PCGF5: variants seen among roughly 807,000 people sequenced by gnomAD.
PCGF5 encodes polycomb group RING finger protein 5.
A neutral mutation model predicts 44.3 loss-of-function variants in PCGF5; 9 were observed. That is an observed-to-expected ratio of 0.20 (90% CI 0.12 to 0.35). PCGF5 has a LOEUF of 0.35. Ranked by LOEUF, PCGF5 falls within the 10% of genes least tolerant of loss-of-function variation. The pLI is 1.00. For missense variants in PCGF5, 146 were observed against 305.3 expected (o/e 0.48, Z 3.89); for synonymous variants, 95 against 102.5 (o/e 0.93, Z 0.44).
intron 7 of PCGF5, among the ~76,000 whole-genome samples, 174 bp downstream of exon 7, chr10:91,261,598 A>T (rs903597306): frequency 2.0e-5 from 3 of 152,200 alleles, no homozygotes; most frequent in African/African-American, 7.2e-5. Context: ...TAATATGTGT[A>T]CTCTAATTGA....
Position 91,227,941 on chromosome 10 carries a change from A to T in PCGF5, c.112+4958A>T, listed in dbSNP as rs1589380721. On this transcript the variant is annotated intron_variant, in intron 2 of 9. Transcript: ENST00000336126. The stretch of plus-strand genomic sequence containing the variant: ...GTCTCAATAAAATCTTAAATGAATA[A>T]ATGCATGGCTAATAAGTTATTTTAT... 11 of 972,960 alleles carry T rather than the reference A, an allele frequency of 1.1e-5. No homozygotes were observed. The South Asian group carries it at 4.8e-4, about 42-fold the overall frequency. 60.3% of individuals were successfully genotyped at this position (972,960 alleles called of 1,614,324 possible). A position where few individuals can be genotyped will look rare whatever the true frequency, so the allele number is the denominator to read the frequency against.
chr10:91,252,799 G>A (rs764549751), intron 6 of PCGF5, among the ~76,000 whole-genome samples: 25 of 151,924 alleles, frequency 1.6e-4, no homozygotes, highest in Non-Finnish European at 3.2e-4. Flanking sequence ...ATAAACAAAC[G>A]TAAAGTCCAC....
intron 8 of PCGF5, 80 bp downstream of exon 8, chr10:91,264,600 T>C: frequency 9.1e-7 from 1 of 1,101,306 alleles, no homozygotes; most frequent in Non-Finnish European, 1.3e-6. Flanking sequence ...TATTAGAAAC[T>C]AAAAAAGACA....
intron 9 of PCGF5, among the ~76,000 whole-genome samples, chr10:91,273,809 G>C (rs935493732): frequency 1.3e-5 from 2 of 150,120 alleles, no homozygotes. Context: ...TATTATAATA[G>C]TGTATAATAT....
chr10:91,278,149 A>C (rs1846362196), intron 9 of PCGF5, 120 bp from the exon 10 acceptor site: 1 of 774,220 alleles, frequency 1.3e-6, no homozygotes. Context: ...TAACTGTTGT[A>C]ATCACTAGTA....
chr10:91,213,713 C>T (rs757939812), intron 1 of PCGF5, among the ~76,000 whole-genome samples: 2 of 151,582 alleles, frequency 1.3e-5, no homozygotes, highest in Non-Finnish European at 2.9e-5. Flanking sequence ...CTCAAACTCC[C>T]GACCTCAGAG....
chr10:91,183,815 C>T (rs1448022656), intron 1 of PCGF5, among the ~76,000 whole-genome samples: 2 of 151,944 alleles, frequency 1.3e-5, no homozygotes, highest in African/African-American at 4.8e-5. Flanking sequence ...TTCTCCTTTG[C>T]TTGAAGCTTA....
intron 2 of PCGF5, among the ~76,000 whole-genome samples, chr10:91,239,673 G>A (rs958976871): frequency 6.6e-6 from 1 of 152,208 alleles, no homozygotes; most frequent in African/African-American, 2.4e-5. Context: ...ATTGTCTAAG[G>A]TTTTGGGGCA....
chr10:91,258,849 G>C (rs911529086), intron 6 of PCGF5, among the ~76,000 whole-genome samples: 3 of 151,960 alleles, frequency 2.0e-5, no homozygotes, highest in Admixed American at 6.6e-5. Flanking sequence ...ATTTCTGTTG[G>C]TCTTTGCCAG....
upstream of PCGF5, chr10:91,220,481 GGGCGGCAGCTGCACCTGCGAGCAGCGCA>G (rs1208454097): frequency 6.5e-6 from 1 of 152,696 alleles, no homozygotes; most frequent in Admixed American, 6.6e-5. Flanking sequence ...CAGGGAGCCA[GGGCGGCAGCTGCACCTGCGAGCAGCGCA>G]GGCGGCAGGC....
At chr10:91,240,454 G>A (rs10881907) in intron 2 of PCGF5, 30 bp from the exon 3 acceptor site, 578,368 of 1,475,888 alleles carry the variant, frequency 0.39, 121,104 homozygotes, top group African/African-American at 0.79. Flanking sequence ...CATATGATGC[G>A]TTTTAACCTA....
At chr10:91,226,289 TAAAAAAA>T (rs66465569) in intron 2 of PCGF5, among the ~76,000 whole-genome samples, 3 of 75,142 alleles carry the variant, frequency 4.0e-5, no homozygotes, top group Non-Finnish European at 7.2e-5. Flanking sequence ...TTAAGAAATG[TAAAAAAA>T]AAAAAAAAAA....
intron 1 of PCGF5, among the ~76,000 whole-genome samples, chr10:91,170,481 C>G (rs940060172): frequency 6.6e-6 from 1 of 152,130 alleles, no homozygotes; most frequent in Non-Finnish European, 1.5e-5. Flanking sequence ...AGAGAAGATA[C>G]ACAGATGGCA....
intron 9 of PCGF5, among the ~76,000 whole-genome samples, chr10:91,274,810 T>C (rs1348528095): frequency 6.6e-6 from 1 of 152,158 alleles, no homozygotes; most frequent in Non-Finnish European, 1.5e-5. Flanking sequence ...GAATTGATTA[T>C]GTCTGGTTAT....
chr10:91,249,950 C>T (rs904341167), intron 5 of PCGF5, among the ~76,000 whole-genome samples: 4 of 152,010 alleles, frequency 2.6e-5, no homozygotes, highest in African/African-American at 9.7e-5. Flanking sequence ...TTTTTGACTG[C>T]CTATTCAAGA....
upstream of PCGF5, among the ~76,000 whole-genome samples, chr10:91,218,660 C>G (rs1844593173): frequency 1.3e-5 from 2 of 152,170 alleles, no homozygotes; most frequent in East Asian, 1.9e-4. Context: ...TGAGACAGAG[C>G]CTTGCTCTGT....
At chr10:91,183,391 C>T (rs998521937) in intron 1 of PCGF5, among the ~76,000 whole-genome samples, 3 of 151,054 alleles carry the variant, frequency 2.0e-5, no homozygotes, top group Non-Finnish European at 4.4e-5. Context: ...TCTGTTTTGG[C>T]AGAAATTGAG....
chr10:91,211,984 G>A (rs546104701), intron 1 of PCGF5, among the ~76,000 whole-genome samples: 4 of 152,274 alleles, frequency 2.6e-5, no homozygotes, highest in East Asian at 1.9e-4. Context: ...TGTCAGGAGC[G>A]GTGTGATACT....
chr10:91,249,435 C>G (rs1216065052), intron 5 of PCGF5, among the ~76,000 whole-genome samples: 2 of 138,534 alleles, frequency 1.4e-5, no homozygotes, highest in African/African-American at 5.2e-5. Context: ...AAAATCTACA[C>G]AAAGGGATAT....
Sources: allele counts gnomAD v4.1 joint callset (sites outside exome capture counted in the v4.1 genomes callset), GRCh38; gene constraint gnomAD v4.1.1; transcripts MANE v1.5; gene names NCBI Gene and HGNC (gene_info 2026-07-23, HGNC 2026-07-21).